The following CMIP variants were observed in gnomAD, a reference collection of about 807,000 sequenced individuals.
CMIP encodes C-Maf-inducing protein.
CMIP carries 13 observed loss-of-function variants against 97.3 expected under a neutral mutation model. The ratio of observed to expected loss-of-function variants is 0.13; its 90% confidence interval spans 0.09 to 0.21. The LOEUF is 0.21. Ranked by LOEUF, CMIP falls within the 10% of genes least tolerant of loss-of-function variation. The pLI is 1.00. For missense variants in CMIP, 847 were observed against 1,024.9 expected (o/e 0.83, Z 2.37); for synonymous variants, 538 against 436.3 (o/e 1.23, Z -2.91).
At chr16:81,624,947 G>T (rs17201098) in intron 3 of CMIP, among the ~76,000 whole-genome samples, 7,935 of 152,280 alleles carry the variant, frequency 0.052, 254 homozygotes, top group Non-Finnish European at 0.069. Context: ...TGTTGGAGGA[G>T]TTTGCTCGGC....
At chr16:81,518,541 C>T (rs890180902) in intron 1 of CMIP, 4 of 152,390 alleles carry the variant, frequency 2.6e-5, no homozygotes, top group African/African-American at 9.6e-5. Context: ...TGAGAACCGT[C>T]CGGGCGCCCA....
At chr16:81,682,223 G>A (rs1355355666) in intron 10 of CMIP, among the ~76,000 whole-genome samples, 1 of 151,598 alleles carries the variant, frequency 6.6e-6, no homozygotes, top group Non-Finnish European at 1.5e-5. Context: ...AGCGTGAACT[G>A]CAGTTATCAG....
intron 1 of CMIP, among the ~76,000 whole-genome samples, chr16:81,555,754 C>G (rs2090749972): frequency 6.6e-6 from 1 of 152,198 alleles, no homozygotes; most frequent in Non-Finnish European, 1.5e-5. Flanking sequence ...CTGGGGAGAT[C>G]TCCAGCATAG....
intron 9 of CMIP, among the ~76,000 whole-genome samples, chr16:81,673,351 A>T (rs948529094): frequency 2.0e-5 from 3 of 152,130 alleles, no homozygotes; most frequent in Non-Finnish European, 4.4e-5. Flanking sequence ...CCCCGTCTCT[A>T]CTAAAAAAAT....
intron 10 of CMIP, among the ~76,000 whole-genome samples, chr16:81,685,433 C>T (rs922849439): frequency 5.3e-5 from 8 of 152,164 alleles, no homozygotes; most frequent in Non-Finnish European, 4.4e-5. Flanking sequence ...CATAGTCCCC[C>T]GTGGGGACCC....
intron 10 of CMIP, among the ~76,000 whole-genome samples, chr16:81,681,256 C>T (rs761117256): frequency 5.3e-5 from 8 of 152,260 alleles, no homozygotes; most frequent in Non-Finnish European, 8.8e-5. Flanking sequence ...TTCCTCCCCA[C>T]ACCCAGCAGG....
chr16:81,672,191 G>C, intron 9 of CMIP, 121 bp downstream of exon 9: 1 of 608,308 alleles, frequency 1.6e-6, no homozygotes. Context: ...TTACTGGGCA[G>C]ACCTCATGGT....
intron 1 of CMIP, among the ~76,000 whole-genome samples, chr16:81,455,199 A>G (rs182387598): frequency 6.6e-6 from 1 of 152,216 alleles, no homozygotes; most frequent in Admixed American, 6.5e-5. Context: ...GAGTGCAGGG[A>G]TCTCCGAGTC....
intron 3 of CMIP, among the ~76,000 whole-genome samples, chr16:81,639,930 G>T (rs988454683): frequency 6.6e-6 from 1 of 152,204 alleles, no homozygotes; most frequent in East Asian, 1.9e-4. Context: ...TACATAGGAA[G>T]CCCGGGGATG....
At position 81,705,615 on chromosome 16, in the gene CMIP, C is replaced by A; in HGVS notation, c.2197+11C>A. 1 of 1,568,086 alleles carries A rather than the reference C, an allele frequency of 6.4e-7. No homozygotes were observed. The highest frequency in any genetic ancestry group is 8.7e-7 in the Non-Finnish European group (1 of 1,153,912). ...TGCTGGCCCTGAGCTGTGAGTGCCT[C>A]CGGGGCAGCTGGGGGGTGAGGGGCC... On this transcript the variant is annotated intron_variant, in intron 19 of 20. Coordinates refer to ENST00000537098, the MANE Select transcript of CMIP (RefSeq NM_198390.3).
At chr16:81,466,954 T>G (rs915909330) in intron 1 of CMIP, among the ~76,000 whole-genome samples, 6 of 152,166 alleles carry the variant, frequency 3.9e-5, no homozygotes, top group Admixed American at 2.6e-4. Flanking sequence ...TGTGCCTAAT[T>G]TTGGGCCAGT....
chr16:81,672,511 A>G (rs1360185193), intron 9 of CMIP, among the ~76,000 whole-genome samples: 1 of 152,164 alleles, frequency 6.6e-6, no homozygotes, highest in Non-Finnish European at 1.5e-5. Flanking sequence ...GGTTGACAGT[A>G]AGGTTTATCC....
At chr16:81,676,045 C>G (rs376697674) in intron 9 of CMIP, among the ~76,000 whole-genome samples, 78 of 152,164 alleles carry the variant, frequency 5.1e-4, no homozygotes, top group African/African-American at 1.3e-3. Context: ...TTCCATTCCC[C>G]TCTGGCTGCT....
chr16:81,525,627 G>A (rs1409683934), intron 1 of CMIP, among the ~76,000 whole-genome samples: 1 of 152,182 alleles, frequency 6.6e-6, no homozygotes, highest in Non-Finnish European at 1.5e-5. Flanking sequence ...ACAGATGTGT[G>A]CCACTGGCCT....
chr16:81,668,970 C>G (rs1181669811), intron 7 of CMIP, among the ~76,000 whole-genome samples: 16 of 145,166 alleles, frequency 1.1e-4, no homozygotes, highest in Admixed American at 1.1e-3. Flanking sequence ...CCACCTCACA[C>G]TCCTTCCACA....
intron 9 of CMIP, among the ~76,000 whole-genome samples, chr16:81,673,980 G>A (rs1412274948): frequency 6.6e-6 from 1 of 152,172 alleles, no homozygotes; most frequent in South Asian, 2.1e-4. Context: ...TGTACAGGGG[G>A]GATTTCTCAA....
At chr16:81,560,277 G>T (rs1361516079) in intron 1 of CMIP, among the ~76,000 whole-genome samples, 1 of 150,674 alleles carries the variant, frequency 6.6e-6, no homozygotes, top group Non-Finnish European at 1.5e-5. Flanking sequence ...GGAGTGCAGT[G>T]GCGCAATCTC....
chr16:81,693,150 T>C lies in CMIP; in HGVS notation c.1455-8T>C. 1.2e-6 allele frequency: 2 copies of C among 1,612,718 alleles called. No homozygotes were observed. Among genetic ancestry groups the C allele is most frequent in the Non-Finnish European group, 1.7e-6 (2 of 1,178,822 alleles). The stretch of plus-strand genomic sequence containing the variant: ...TAACCGCCGTGTTTTCCCCTGTTTT[T>C]GTTGCAGAGCTCTCGCACATGAGAA... On this transcript the variant is annotated splice_polypyrimidine_tract_variant and splice_region_variant and intron_variant, in intron 11 of 20. Coordinates refer to ENST00000537098, the MANE Select transcript of CMIP (RefSeq NM_198390.3).
chr16:81,694,779 A>G (rs114376205), intron 13 of CMIP, among the ~76,000 whole-genome samples: 3,558 of 152,174 alleles, frequency 0.023, 63 homozygotes, highest in African/African-American at 0.042. Context: ...CACACTGAAA[A>G]ACCGAGTTCT....
Sources: allele counts gnomAD v4.1 joint callset (sites outside exome capture counted in the v4.1 genomes callset), GRCh38; gene constraint gnomAD v4.1.1; transcripts MANE v1.5; gene names NCBI Gene and HGNC (gene_info 2026-07-23, HGNC 2026-07-21).